Variants in MUC12 observed in about 807,000 individuals in gnomAD.
MUC12 encodes the protein mucin-12.
MUC12 carries 172 observed loss-of-function variants against 230.8 expected under a neutral mutation model. The ratio of observed to expected loss-of-function variants is 0.75; its 90% CI spans 0.66 to 0.85. The LOEUF is 0.85. Ranked by LOEUF, MUC12 falls within the 40% of genes least tolerant of loss-of-function variation. The pLI, the probability that MUC12 is intolerant of heterozygous loss-of-function variation, is 0.00. For synonymous variants in MUC12, 1,259 were observed against 2,401.9 expected, an observed-to-expected ratio of 0.52 and a Z score of 13.91; for missense variants, 3,506 against 5,920.6, an observed-to-expected ratio of 0.59 and a Z score of 13.38.
rs374711314 is a variant in MUC12, at chr7:101,004,903, G to T, written c.14340G>T (p.Ala4780=). 24 of 1,537,204 alleles carry T rather than the reference G, an allele frequency of 1.6e-5. No individual in the cohort carries two copies. Among genetic ancestry groups the T allele is most frequent in the Non-Finnish European group, 2.0e-5 (23 of 1,146,888 alleles). ...AAGCAGAGTCAACACACACAACAGC[G>T]TTCCCTGCCAGCACCACCACCTCAG... ...YSQAESTHTT[A]FPASTTTSGL... is the part of the protein sequence containing the mutation. The change falls in exon 2 of 12, where the codon GCG becomes GCT. Residue 4780 remains alanine (A), a synonymous_variant. Coordinates refer to ENST00000536621, the MANE Select transcript of MUC12 (RefSeq NM_001164462.2).
intron 4 of MUC12, 94 bp from the exon 5 acceptor site, chr7:101,009,001 C>G: frequency 7.0e-7 from 1 of 1,427,576 alleles, no homozygotes; most frequent in Non-Finnish European, 9.5e-7. Flanking sequence ...TACCTGGGCT[C>G]CACAGAAAGG....
chr7:100,991,213 T>A lies in MUC12; in HGVS notation c.650T>A (p.Leu217His). The A allele has an allele frequency of 6.5e-7, 1 of 1,537,410 alleles. No homozygotes were observed. Among genetic ancestry groups the A allele is most frequent in the African/African-American group, 1.4e-5 (1 of 73,038 alleles). The change falls in exon 2 of 12, where the codon CTT (leucine) becomes CAT (histidine). Residue 217 changes from leucine to histidine, a missense_variant. Coordinates refer to ENST00000536621, the MANE Select transcript of MUC12 (RefSeq NM_001164462.2). The stretch of plus-strand genomic sequence containing the variant: ...CCTGGCACTACCACACCATCATCCC[T>A]TGGTCCAGAATCTACTACCTTCCAC... The part of the protein sequence containing the change: ...LSPGTTTPSS[L>H]GPESTTFHSS...
intron 5 of MUC12, among the ~76,000 whole-genome samples, chr7:101,010,541 A>C (rs1342668948): frequency 6.6e-6 from 1 of 151,604 alleles, no homozygotes. Flanking sequence ...TTTGAGACAG[A>C]GTCTTGCTCT....
In MUC12 at chr7:100,991,364, C is replaced by G. The variant is rs1346503000; in HGVS notation, c.801C>G (p.Ser267Arg). 2.0e-6 allele frequency: 3 copies of G among 1,537,752 alleles called. No individual in the cohort carries two copies. The highest frequency in any genetic ancestry group is 2.7e-5 in the African/African-American group (2 of 73,048). The change falls in exon 2 of 12, where the codon AGC becomes AGG. Residue 267 changes from serine to arginine, a missense_variant. Transcript: ENST00000536621. ...CACACACAACACTGTCCCCTTCCAGCTCTACAACCCATGAGGGAGAACCTA... is the reference window on the plus strand; with the variant it reads ...CACACACAACACTGTCCCCTTCCAGGTCTACAACCCATGAGGGAGAACCTA... ...GSPHTTLSPS[S>R]STTHEGEPTT...
chr7:101,010,757 C>T (rs1243414494), intron 5 of MUC12, among the ~76,000 whole-genome samples: 8 of 152,230 alleles, frequency 5.3e-5, no homozygotes, highest in East Asian at 1.9e-4. Flanking sequence ...TCAAGTGATC[C>T]GCCCGCCTTG....
chr7:101,003,435 C>G lies in MUC12; in HGVS notation c.12872C>G (p.Thr4291Ser). Reference sequence around the variant, plus strand: ...GAAACAACACTCTTACCTGACAACACCACAGCCTCAGGCCTCCTTGAAGCA... The same window carrying G: ...GAAACAACACTCTTACCTGACAACAGCACAGCCTCAGGCCTCCTTGAAGCA... ...STETTLLPDNTTASGLLEAST... is the reference protein window; with the variant it reads ...STETTLLPDNSTASGLLEAST... The change falls in exon 2 of 12, where the codon ACC becomes AGC. Residue 4291 changes from threonine (T) to serine (S), a missense_variant. Coordinates refer to ENST00000536621, the MANE Select transcript of MUC12 (RefSeq NM_001164462.2). 9.9e-6 allele frequency: 15 copies of G among 1,513,098 alleles called. No individual in the cohort carries two copies. The highest frequency in any genetic ancestry group is 1.3e-5 in the Non-Finnish European group (15 of 1,138,312). 93.7% of individuals were successfully genotyped at this position (1,513,098 alleles called of 1,614,324 possible). A position where few individuals can be genotyped will look rare whatever the true frequency, so the allele number is the denominator to read the frequency against.
Position 100,992,293 on chromosome 7 carries a change from A to C in MUC12, c.1730A>C (p.Tyr577Ser), listed in dbSNP as rs200044038. The change falls in exon 2 of 12, where the codon TAT becomes TCT. Residue 577 changes from tyrosine (Y) to serine (S), a missense_variant. Tyr to Ser is a moderately radical substitution (Grantham distance 144, BLOSUM62 -2). Coordinates refer to ENST00000536621, the MANE Select transcript of MUC12 (RefSeq NM_001164462.2). The stretch of plus-strand genomic sequence containing the variant: ...ACAGCATCATCCCTTGGTCCAGAAT[A>C]TACTACCTTCCACAGCCGCCCAGGC... ...STTASSLGPE[Y>S]TTFHSRPGST... 5.5e-3 allele frequency: 8,392 copies of C among 1,532,622 alleles called. 33 individuals are homozygous for C. The highest frequency in any genetic ancestry group is 0.013 in the East Asian group (529 of 40,866). 94.9% of individuals were successfully genotyped at this position (1,532,622 alleles called of 1,614,324 possible).
intron 1 of MUC12, among the ~76,000 whole-genome samples, chr7:100,980,240 A>C (rs1291182803): frequency 6.6e-6 from 1 of 152,030 alleles, no homozygotes; most frequent in African/African-American, 2.4e-5. Context: ...ATGGAGTTTC[A>C]CCATGTTGGC....
At chr7:100,985,274 G>A (rs1323474993) in intron 1 of MUC12, among the ~76,000 whole-genome samples, 1 of 152,172 alleles carries the variant, frequency 6.6e-6, no homozygotes, top group Non-Finnish European at 1.5e-5. Context: ...CTTGCACTGA[G>A]TCAGTTCCTG....
At position 101,005,365 on chromosome 7, in the gene MUC12, A is replaced by T; in HGVS notation, c.14802A>T (p.Thr4934=). ...CCTCAGACCTTGTTGGAGAACCTAC[A>T]ACTTTCTACATCAGCCCATCCCCTA... ...STASDLVGEP[T]TFYISPSPTY... is the part of the protein sequence containing the mutation. The change falls in exon 2 of 12, where the codon ACA becomes ACT. Residue 4934 remains threonine, a synonymous_variant. Coordinates refer to ENST00000536621, the MANE Select transcript of MUC12 (RefSeq NM_001164462.2). 6.5e-7 allele frequency: 1 copy of T among 1,537,618 alleles called. No individual in the cohort carries two copies. The highest frequency in any genetic ancestry group is 8.7e-7 in the Non-Finnish European group (1 of 1,147,012).
At chr7:100,990,505 C>T (rs1793263073) in intron 1 of MUC12, 126 bp from the exon 2 acceptor site, 5 of 1,190,874 alleles carry the variant, frequency 4.2e-6, no homozygotes, top group African/African-American at 1.5e-5. Flanking sequence ...AAAAGGGAAA[C>T]TTGAGTTTCA....
intron 1 of MUC12, chr7:100,981,448 G>A: frequency 1.8e-6 from 1 of 567,610 alleles, no homozygotes; most frequent in Non-Finnish European, 3.1e-6. Context: ...CTTTAGCCTG[G>A]GGCTCCCACT....
chr7:100,991,718 A>C lies in MUC12; in HGVS notation c.1155A>C (p.Glu385Asp). 1.3e-6 allele frequency: 2 copies of C among 1,538,022 alleles called. No homozygotes were observed. The highest frequency in any genetic ancestry group is 1.7e-6 in the Non-Finnish European group (2 of 1,147,090). Reference sequence around the variant, plus strand: ...CCACAACTTCAGGCCATAGTGAAGAATCAGCAACTTTCCACGGCAGCACAA... The same window carrying C: ...CCACAACTTCAGGCCATAGTGAAGACTCAGCAACTTTCCACGGCAGCACAA... The part of the protein sequence containing the change: ...ESSTTSGHSE[E>D]SATFHGSTTH... The change falls in exon 2 of 12, where the codon GAA (glutamate) becomes GAC (aspartate). Residue 385 changes from glutamate (E) to aspartate (D), a missense_variant. Coordinates refer to ENST00000536621, the MANE Select transcript of MUC12 (RefSeq NM_001164462.2).
intron 2 of MUC12, 122 bp downstream of exon 2, chr7:101,005,641 C>T (rs1359683243): frequency 1.3e-4 from 157 of 1,252,142 alleles, no homozygotes; most frequent in Non-Finnish European, 1.6e-4. Flanking sequence ...TTGGGTCTAC[C>T]GATTATCCAG....
At chr7:100,975,205 A>C (rs78363612) in intron 1 of MUC12, among the ~76,000 whole-genome samples, 8 of 150,602 alleles carry the variant, frequency 5.3e-5, no homozygotes, top group Non-Finnish European at 1.2e-4. Flanking sequence ...GACTGGAACC[A>C]CTATCCTGTT....
intron 1 of MUC12, among the ~76,000 whole-genome samples, chr7:100,973,872 G>A (rs939882724): frequency 2.0e-5 from 3 of 151,788 alleles, no homozygotes; most frequent in African/African-American, 7.3e-5. Flanking sequence ...AAAAAAATTA[G>A]GCTGGGTGTG....
chr7:100,974,811 A>T (rs951408476), intron 1 of MUC12, among the ~76,000 whole-genome samples: 1 of 151,920 alleles, frequency 6.6e-6, no homozygotes, highest in African/African-American at 2.4e-5. Context: ...GGCAACAGAG[A>T]GAGACCTTGT....
chr7:101,005,170 C>A lies in MUC12; in HGVS notation c.14607C>A (p.Asn4869Lys). The A allele has an allele frequency of 6.5e-7, 1 of 1,537,734 alleles. No individual in the cohort carries two copies. The highest frequency in any genetic ancestry group is 1.2e-5 in the South Asian group (1 of 84,040). The change falls in exon 2 of 12, where the codon AAC becomes AAA. Residue 4869 changes from asparagine to lysine, a missense_variant. Transcript: ENST00000536621. ...AAACCACAGCGTTTTCTCACAGCAA[C>A]ACAATGTCCATTCATAGTCAACAAT... The part of the protein sequence containing the change: ...STETTAFSHS[N>K]TMSIHSQQST...
At chr7:101,009,360 GC>G (rs1468735315) in intron 5 of MUC12, among the ~76,000 whole-genome samples, 1 of 152,164 alleles carries the variant, frequency 6.6e-6, no homozygotes, top group African/African-American at 2.4e-5. Flanking sequence ...TTGAAAGCCA[GC>G]CCCCTGCTGG....
Sources: gnomAD v4.1 joint callset for allele counts (sites outside exome capture counted in the v4.1 genomes callset) on GRCh38, gnomAD v4.1.1 for gene constraint, MANE v1.5 for transcripts, NCBI Gene and HGNC (gene_info 2026-07-23, HGNC 2026-07-21) for gene names.